PSG4: variants seen among roughly 807,000 people sequenced by gnomAD.
PSG4 encodes the protein pregnancy specific beta-1-glycoprotein 4.
PSG4 carries 61 observed loss-of-function variants against 44.3 expected under a neutral mutation model. That is an observed-to-expected ratio of 1.38 (90% CI 1.12 to 1.70). PSG4 has a LOEUF of 1.70. Ranked by LOEUF, PSG4 falls within the 40% of genes most tolerant of loss-of-function variation. PSG4 has a pLI of 0.00. For missense variants in PSG4, 677 were observed against 511.7 expected (o/e 1.32, Z -3.12); for synonymous variants, 248 against 191.3 (o/e 1.30, Z -2.45).
At chr19:43,200,769 G>A (rs1967473442) in intron 2 of PSG4, among the ~76,000 whole-genome samples, 1 of 145,366 alleles carries the variant, frequency 6.9e-6, no homozygotes, top group Non-Finnish European at 1.5e-5. Context: ...TAGAGACGGG[G>A]TTTCACCATG....
intron 3 of PSG4, 116 bp from the exon 4 acceptor site, chr19:43,195,389 CAA>C: frequency 6.8e-7 from 1 of 1,470,814 alleles, no homozygotes; most frequent in Non-Finnish European, 9.2e-7. Context: ...CCTTGAAAGC[CAA>C]TAGCTGGTGC....
chr19:43,204,069 C>G lies in PSG4; in HGVS notation c.247G>C (p.Val83Leu). The G allele has an allele frequency of 6.3e-7, 1 of 1,586,502 alleles. No homozygotes were observed. Among genetic ancestry groups the G allele is most frequent in the Non-Finnish European group, 8.5e-7 (1 of 1,170,714 alleles). ...TATATAATTCTTTGACCGTCTACTA[C>G]ATATGATGTAATGTAATGGTAGAGG... ...TYLYHYITSY[V>L]VDGQRIIYGP... Residue 83 changes from valine (V) to leucine (L), a missense_variant, in exon 2 of 6, where the codon GTA (valine) becomes CTA (leucine). Physicochemically the swap from Val to Leu is conservative, Grantham distance 32. Coordinates refer to ENST00000405312, the MANE Select transcript of PSG4 (RefSeq NM_002780.5).
intron 2 of PSG4, among the ~76,000 whole-genome samples, chr19:43,202,920 C>G (rs1422924522): frequency 6.9e-6 from 1 of 144,772 alleles, no homozygotes; most frequent in African/African-American, 2.7e-5. Context: ...TGCAGACAGA[C>G]CTCATGTGAC....
chr19:43,195,080 C>G lies in PSG4; in HGVS notation c.903G>C (p.Thr301=), dbSNP rs757896540. The part of the protein sequence containing the change: ...ENRILILPNV[T]RNETGPYQCE... ...ATTGATAAGGTCCTGTTTCATTTCT[C>G]GTGACATTGGGTAGAATGAGGATCC... Residue 301 remains threonine (T), a synonymous_variant, in exon 4 of 6, where the codon ACG becomes ACC. Transcript: ENST00000405312. The G allele has an allele frequency of 1.5e-5, 24 of 1,611,194 alleles. 1 individual carries two copies. The highest frequency in any genetic ancestry group is 5.9e-6 in the Non-Finnish European group (7 of 1,179,074).
At chr19:43,199,801 C>A (rs1967422855) in intron 2 of PSG4, among the ~76,000 whole-genome samples, 1 of 145,520 alleles carries the variant, frequency 6.9e-6, no homozygotes, top group Non-Finnish European at 1.5e-5. Context: ...AGATCAATTG[C>A]TGGTAGTAGT....
chr19:43,204,524 C>T (rs1967670245), intron 1 of PSG4: 2 of 427,122 alleles, frequency 4.7e-6, no homozygotes, highest in Admixed American at 4.0e-5. Context: ...GCACGGCCCC[C>T]TCCACACTGC....
chr19:43,194,807 C>T, intron 4 of PSG4, 188 bp downstream of exon 4: 22 of 1,429,862 alleles, frequency 1.5e-5, no homozygotes, highest in Non-Finnish European at 2.1e-5. Context: ...AAGAGCGTCC[C>T]CTCCCCTTAT....
In PSG4 at chr19:43,198,193, A is replaced by C. The variant is rs774435026; in HGVS notation, c.513T>G (p.Pro171=). The C allele has an allele frequency of 6.3e-7, 1 of 1,587,636 alleles. No homozygotes were observed. Among genetic ancestry groups the C allele is most frequent in the Admixed American group, 1.7e-5 (1 of 58,328 alleles). The change falls in exon 3 of 6, where the codon CCT becomes CCG. Residue 171 remains proline, a synonymous_variant. Coordinates refer to ENST00000405312, the MANE Select transcript of PSG4 (RefSeq NM_002780.5). ...AMEAVILTCD[P]ATPAASYQWW... is the part of the protein sequence containing the mutation. ...ACTGGTAGCTTGCGGCTGGAGTCGC[A>C]GGATCACAGGTTAAGATCACAGCCT...
At chr19:43,201,838 T>C (rs1014382778) in intron 2 of PSG4, among the ~76,000 whole-genome samples, 2 of 144,746 alleles carry the variant, frequency 1.4e-5, no homozygotes, top group South Asian at 2.2e-4. Flanking sequence ...TGTGTGTGTG[T>C]GTGCAGAAGG....
chr19:43,196,179 A>G (rs1048585812), intron 3 of PSG4, among the ~76,000 whole-genome samples: 1 of 151,620 alleles, frequency 6.6e-6, no homozygotes, highest in Non-Finnish European at 1.5e-5. Context: ...TATGAGACAA[A>G]TTTGGAGAGA....
In PSG4 at chr19:43,205,496, G is replaced by T. The variant is rs757479963; in HGVS notation, c.41C>A (p.Thr14Asn). The change falls in exon 1 of 6, where the codon ACC becomes AAC. Residue 14 changes from threonine to asparagine, a missense_variant. Coordinates refer to ENST00000405312, the MANE Select transcript of PSG4 (RefSeq NM_002780.5). ...LSAPPCTQRI[T>N]WKGVLLTASL... is the part of the protein sequence containing the mutation. ...ACCTGTGAGCAGGACCCCCTTCCAG[G>T]TGATGCGCTGTGTGCAGGGAGGGGC... The T allele has an allele frequency of 6.2e-5, 96 of 1,553,164 alleles. 10 individuals are homozygous for T. Among genetic ancestry groups the T allele is most frequent in the East Asian group, 5.9e-4 (20 of 34,182 alleles).
At chr19:43,201,939 A>G (rs374211430) in intron 2 of PSG4, among the ~76,000 whole-genome samples, 3,055 of 143,794 alleles carry the variant, frequency 0.021, 332 homozygotes, top group African/African-American at 0.063. Flanking sequence ...TCACAAAGGG[A>G]AAGAGCCCTT....
Position 43,204,203 on chromosome 19 carries a change from A to G in PSG4, c.113T>C (p.Ile38Thr), listed in dbSNP as rs371600144. ...AGAAACTTTGGGTGGCTGGGCTTCA[A>G]TCGTGACTTGGGCAGTTGTGGGCGG... ...WNPPTTAQVT[I>T]EAQPPKVSEG... Residue 38 changes from isoleucine (I) to threonine (T), a missense_variant, in exon 2 of 6, where the codon ATT (isoleucine) becomes ACT (threonine). By Grantham distance (89) the Ile-to-Thr change is moderately conservative (BLOSUM62 -1). Coordinates refer to ENST00000405312, the MANE Select transcript of PSG4 (RefSeq NM_002780.5). The G allele has an allele frequency of 1.1e-4, 175 of 1,584,052 alleles. 15 individuals carry two copies. The highest frequency in any genetic ancestry group is 6.2e-4 in the Admixed American group (36 of 58,186).
At chr19:43,204,437 C>T in intron 1 of PSG4, 186 bp from the exon 2 acceptor site, 1 of 841,186 alleles carries the variant, frequency 1.2e-6, no homozygotes, top group Non-Finnish European at 1.7e-6. Context: ...AGGTCAAGAT[C>T]AGCAGCATGA....
At chr19:43,195,385 A>T in intron 3 of PSG4, 112 bp from the exon 4 acceptor site, 1 of 1,486,812 alleles carries the variant, frequency 6.7e-7, no homozygotes, top group Non-Finnish European at 9.1e-7. Flanking sequence ...GAGTCCTTGA[A>T]AGCCAATAGC....
intron 1 of PSG4, among the ~76,000 whole-genome samples, chr19:43,205,104 C>CTTTTTTTTTT (rs1568391883): frequency 9.2e-5 from 5 of 54,058 alleles, no homozygotes; most frequent in African/African-American, 5.0e-4. Context: ...TCTTTTTTTC[C>CTTTTTTTTTT]TTTTTTCTTT....
At chr19:43,199,902 A>G (rs576533048) in intron 2 of PSG4, among the ~76,000 whole-genome samples, 2 of 145,392 alleles carry the variant, frequency 1.4e-5, no homozygotes, top group Admixed American at 6.9e-5. Flanking sequence ...AGGTGATTGG[A>G]AATTAGCAGC....
rs577715054 is a variant in PSG4 at position 43,193,365 on chromosome 19, G to A, written c.*7C>T. 3.9e-6 allele frequency: 3 copies of A among 774,664 alleles called. No individual in the cohort carries two copies. Among genetic ancestry groups the A allele is most frequent in the Non-Finnish European group, 7.2e-6 (3 of 417,628 alleles). 48.0% of individuals were successfully genotyped at this position (774,664 alleles called of 1,614,324 possible). A position where few individuals can be genotyped will look rare whatever the true frequency, so the allele number is the denominator to read the frequency against. On this transcript the variant is annotated 3_prime_UTR_variant, in exon 6 of 6. Coordinates refer to ENST00000405312, the MANE Select transcript of PSG4 (RefSeq NM_002780.5). ...GGAGAAAATGGAATTGGAGGAACTA[G>A]TAGAATTCAGGGTAATATCCAGTCT...
chr19:43,193,443 C>A, intron 5 of PSG4, 55 bp from the exon 6 acceptor site: 1 of 765,756 alleles, frequency 1.3e-6, no homozygotes, highest in Non-Finnish European at 2.4e-6. Flanking sequence ...AATCTCATAA[C>A]CGGTGTACTA....
Sources: allele counts gnomAD v4.1 joint callset (sites outside exome capture counted in the v4.1 genomes callset), GRCh38; gene constraint gnomAD v4.1.1; transcripts MANE v1.5; gene names NCBI Gene and HGNC (gene_info 2026-07-23, HGNC 2026-07-21).